PTPRK: variants seen among roughly 807,000 people sequenced by gnomAD.
PTPRK encodes the protein receptor-type tyrosine-protein phosphatase kappa.
A neutral mutation model predicts 178.0 loss-of-function variants in PTPRK; 75 were observed. The observed-to-expected ratio is 0.42, with a 90% confidence interval of 0.35 to 0.51. The LOEUF is 0.51. Among genes scored for constraint, PTPRK ranks in the 20% least tolerant of loss-of-function variants. The probability of loss-of-function intolerance (pLI) is 0.02; values close to 1 mark genes in which losing one functional copy is unlikely to be tolerated. For synonymous variants in PTPRK, 637 were observed against 620.6 expected (o/e 1.03, Z -0.39); for missense variants, 1,441 against 1,797.8 (o/e 0.80, Z 3.59).
chr6:128,332,206 C>T (rs1056135405), intron 2 of PTPRK, among the ~76,000 whole-genome samples: 2 of 152,122 alleles, frequency 1.3e-5, no homozygotes, highest in African/African-American at 2.4e-5. Flanking sequence ...CTTTGACGAA[C>T]AAAATTTCCA....
At chr6:128,342,350 G>A (rs984947071) in intron 2 of PTPRK, among the ~76,000 whole-genome samples, 17 of 152,118 alleles carry the variant, frequency 1.1e-4, no homozygotes, top group Non-Finnish European at 1.2e-4. Flanking sequence ...ATAATAATTA[G>A]TAACATGAAG....
At chr6:128,357,356 C>T (rs1234965878) in intron 2 of PTPRK, among the ~76,000 whole-genome samples, 1 of 152,112 alleles carries the variant, frequency 6.6e-6, no homozygotes, top group African/African-American at 2.4e-5. Flanking sequence ...ATATTAAGCA[C>T]AGGAAAGAAA....
chr6:128,222,544 C>T (rs1296742134), intron 5 of PTPRK, among the ~76,000 whole-genome samples: 1 of 152,216 alleles, frequency 6.6e-6, no homozygotes, highest in Non-Finnish European at 1.5e-5. Flanking sequence ...AACAGCCTCC[C>T]TTACCACCTT....
chr6:128,388,416 C>T (rs1419058481), intron 2 of PTPRK, among the ~76,000 whole-genome samples: 1 of 152,092 alleles, frequency 6.6e-6, no homozygotes, highest in Non-Finnish European at 1.5e-5. Context: ...ACTGAATGAG[C>T]CAACTCTGGA....
intron 7 of PTPRK, among the ~76,000 whole-genome samples, chr6:128,139,777 G>T (rs541119107): frequency 2.0e-5 from 3 of 152,142 alleles, no homozygotes; most frequent in African/African-American, 7.2e-5. Context: ...GAGTCCATGA[G>T]AATAGACTCT....
At chr6:128,241,160 C>A in intron 4 of PTPRK, 1 of 487,332 alleles carries the variant, frequency 2.1e-6, no homozygotes, top group South Asian at 1.6e-5. Context: ...TTAGAATTTA[C>A]CAACCACCAC....
At chr6:128,503,364 C>T (rs768033506) in intron 1 of PTPRK, among the ~76,000 whole-genome samples, 5 of 152,170 alleles carry the variant, frequency 3.3e-5, no homozygotes, top group Admixed American at 2.0e-4. Context: ...TGGCCTGATC[C>T]GAGAAACTTA....
intron 3 of PTPRK, among the ~76,000 whole-genome samples, chr6:128,294,129 A>G (rs1342183270): frequency 6.6e-6 from 1 of 152,156 alleles, no homozygotes; most frequent in Admixed American, 6.6e-5. Context: ...TAAACTAAGT[A>G]CATTATTTAA....
chr6:128,272,984 A>G (rs1384669524), intron 3 of PTPRK, among the ~76,000 whole-genome samples: 1 of 152,234 alleles, frequency 6.6e-6, no homozygotes, highest in Admixed American at 6.5e-5. Flanking sequence ...GATAGACTGG[A>G]TTAAGAAAAT....
intron 7 of PTPRK, among the ~76,000 whole-genome samples, chr6:128,152,754 A>G (rs1797450319): frequency 6.6e-6 from 1 of 151,970 alleles, no homozygotes; most frequent in Non-Finnish European, 1.5e-5. Flanking sequence ...CACGTGGCAA[A>G]AGGGTGATTA....
intron 3 of PTPRK, among the ~76,000 whole-genome samples, chr6:128,303,008 A>T (rs981641609): frequency 2.0e-5 from 3 of 152,070 alleles, no homozygotes; most frequent in Non-Finnish European, 4.4e-5. Flanking sequence ...CAAATAACTT[A>T]TGTATCAAAA....
At chr6:128,136,827 A>T (rs1795088590) in intron 7 of PTPRK, among the ~76,000 whole-genome samples, 2 of 152,206 alleles carry the variant, frequency 1.3e-5, no homozygotes, top group African/African-American at 4.8e-5. Flanking sequence ...GCCCTTCTGT[A>T]ATGGCCGAAT....
At chr6:127,971,831 G>A (rs1773937257) in intron 29 of PTPRK, among the ~76,000 whole-genome samples, 1 of 152,064 alleles carries the variant, frequency 6.6e-6, no homozygotes, top group Non-Finnish European at 1.5e-5. Flanking sequence ...CTGAAAAATG[G>A]AGGCAGAGTT....
At chr6:127,999,565 G>A (rs113875433) in intron 15 of PTPRK, among the ~76,000 whole-genome samples, 127 of 152,076 alleles carry the variant, frequency 8.4e-4, no homozygotes, top group Middle Eastern at 3.4e-3. Flanking sequence ...TCTTGGCCAC[G>A]CTGCGAGAGA....
At chr6:128,032,435 C>A (rs1775501326) in intron 13 of PTPRK, among the ~76,000 whole-genome samples, 1 of 152,136 alleles carries the variant, frequency 6.6e-6, no homozygotes, top group South Asian at 2.1e-4. Flanking sequence ...ATTGTAAAGG[C>A]CACAGCTCTA....
intron 3 of PTPRK, among the ~76,000 whole-genome samples, chr6:128,274,997 T>C (rs1270360979): frequency 6.6e-6 from 1 of 152,012 alleles, no homozygotes; most frequent in East Asian, 1.9e-4. Flanking sequence ...ATGCTCCTGT[T>C]TCCAAAGAGA....
In PTPRK at chr6:128,486,781, A is replaced by C. The variant is rs9402044; in HGVS notation, c.100+33478T>G. ...TGATAGAGGCAGATCCTGTAGAAAG[A>C]AAGAAAGACAGAAAGACAGAAAGGA... On this transcript the variant is annotated intron_variant, in intron 1 of 29. Transcript: ENST00000368226. 0.052 allele frequency among the ~76,000 whole-genome samples: 7,875 copies of C among 151,828 alleles called. 1,037 individuals carry two copies. In the East Asian group the frequency reaches 0.58, roughly 11 times the overall value.
At chr6:128,004,122 T>C (rs1260407939) in intron 15 of PTPRK, among the ~76,000 whole-genome samples, 1 of 151,820 alleles carries the variant, frequency 6.6e-6, no homozygotes. Context: ...AATACTTATA[T>C]TGTTTCTTTG....
intron 6 of PTPRK, among the ~76,000 whole-genome samples, chr6:128,200,848 G>A (rs190858357): frequency 7.4e-6 from 1 of 134,550 alleles, no homozygotes; most frequent in African/African-American, 2.7e-5. Context: ...TGAGGAGGAG[G>A]GGGGGAGGAG....
Sources: gnomAD v4.1 joint callset for allele counts (sites outside exome capture counted in the v4.1 genomes callset) on GRCh38, gnomAD v4.1.1 for gene constraint, MANE v1.5 for transcripts, NCBI Gene and HGNC (gene_info 2026-07-23, HGNC 2026-07-21) for gene names.